Variants in ATF6 observed in about 807,000 individuals in gnomAD.
ATF6 encodes the protein activating transcription factor 6.
In ATF6, 53 loss-of-function variants were observed where a neutral mutation model predicts 83.6. That is an observed-to-expected ratio of 0.63 (90% CI 0.51 to 0.80). The LOEUF is 0.80. ATF6 is among the 30% of genes least tolerant of loss of function. ATF6 has a pLI of 0.00. For missense variants in ATF6, 744 were observed against 797.9 expected (o/e 0.93, Z 0.81); for synonymous variants, 288 against 285.8 (o/e 1.01, Z -0.08).
At chr1:161,899,345 G>C (rs1368140245) in intron 14 of ATF6, among the ~76,000 whole-genome samples, 1 of 152,118 alleles carries the variant, frequency 6.6e-6, no homozygotes, top group East Asian at 1.9e-4. Context: ...AATCAACTGT[G>C]TCACCCTATT....
At chr1:161,941,621 T>C (rs771301173) in intron 15 of ATF6, among the ~76,000 whole-genome samples, 1 of 152,228 alleles carries the variant, frequency 6.6e-6, no homozygotes, top group Non-Finnish European at 1.5e-5. Flanking sequence ...ATAAACTACA[T>C]GGCGATTCTA....
chr1:161,792,106 T>G lies in ATF6; in HGVS notation c.485-18T>G. 6.2e-7 allele frequency: 1 copy of G among 1,611,392 alleles called. No homozygotes were observed. ...ATTGCTTTCACATTGACTTGTGGTT[T>G]GTCTGGTTTTTCTCCAGAAAATGGA... On this transcript the variant is annotated intron_variant, in intron 5 of 15. Coordinates refer to ENST00000367942, the MANE Select transcript of ATF6 (RefSeq NM_007348.4).
chr1:161,869,532 A>G (rs1277300020), intron 14 of ATF6, among the ~76,000 whole-genome samples: 3 of 151,962 alleles, frequency 2.0e-5, no homozygotes, highest in African/African-American at 4.8e-5. Flanking sequence ...GCTGGAAAAA[A>G]AAGTGAATAG....
intron 14 of ATF6, among the ~76,000 whole-genome samples, chr1:161,871,930 T>G (rs560843632): frequency 2.2e-4 from 33 of 151,682 alleles, no homozygotes; most frequent in African/African-American, 7.5e-4. Context: ...TTCAATCTAG[T>G]GGAGTCAGTG....
At chr1:161,950,301 C>T (rs1688835685) in intron 15 of ATF6, among the ~76,000 whole-genome samples, 1 of 152,150 alleles carries the variant, frequency 6.6e-6, no homozygotes, top group Non-Finnish European at 1.5e-5. Flanking sequence ...AGAGATATTG[C>T]AGAGAATGCC....
At position 161,896,787 on chromosome 1, in the gene ATF6, C is replaced by G. The variant is rs1375260631; in HGVS notation, c.1720-15509C>G. ...AATTTCTTAAATAAATATATAGTTT[C>G]CAGTTTAGATGTTTGAGATTTAGAG... On this transcript the variant is annotated intron_variant, in intron 14 of 15. Coordinates refer to ENST00000367942, the MANE Select transcript of ATF6 (RefSeq NM_007348.4). Among the ~76,000 whole-genome samples the G allele has an allele frequency of 3.9e-5, 6 of 152,110 alleles. No individual in the cohort carries two copies. The East Asian group carries it at 1.2e-3, about 29-fold the overall frequency.
chr1:161,851,077 T>A (rs936782455), intron 10 of ATF6, among the ~76,000 whole-genome samples: 2 of 151,972 alleles, frequency 1.3e-5, no homozygotes, highest in Non-Finnish European at 2.9e-5. Context: ...TAGTTTATAT[T>A]CGGCTTTTCA....
In ATF6 at chr1:161,791,497, GAAGGAAGAT is replaced by G. The variant is rs754951405; in HGVS notation, c.448_456del (p.Glu150_Lys152del). The G allele has an allele frequency of 6.2e-7, 1 of 1,612,612 alleles. No homozygotes were observed. The highest frequency in any genetic ancestry group is 8.5e-7 in the Non-Finnish European group (1 of 1,179,706). On this transcript the variant is annotated inframe_deletion, in exon 5 of 16. Coordinates refer to ENST00000367942, the MANE Select transcript of ATF6 (RefSeq NM_007348.4). The stretch of plus-strand genomic sequence containing the variant: ...ATAGTCTCTCTTCAGCGGAGCCACT[GAAGGAAGAT>G]AAGCCTGTCACTGGTCCTAGGAACA...
Position 161,863,266 on chromosome 1 carries a change from C to T in ATF6, c.1673C>T (p.Ala558Val). 1.2e-6 allele frequency: 2 copies of T among 1,612,956 alleles called. No individual in the cohort carries two copies. The part of the protein sequence containing the change: ...SPRSYQDFFE[A>V]IRRRGDTFYV... ...AGAAGTTATCAAGACTTTTTTGAAG[C>T]CATCCGCAGAAGGGGAGACACATTT... The change falls in exon 14 of 16, where the codon GCC (alanine) becomes GTC (valine). Residue 558 changes from alanine (A) to valine (V), a missense_variant. Coordinates refer to ENST00000367942, the MANE Select transcript of ATF6 (RefSeq NM_007348.4).
chr1:161,935,269 C>G (rs1688514634), intron 15 of ATF6, among the ~76,000 whole-genome samples: 1 of 152,112 alleles, frequency 6.6e-6, no homozygotes, highest in African/African-American at 2.4e-5. Context: ...CGTTTGTAGC[C>G]TCCCAAAATT....
chr1:161,859,795 G>C (rs758519936), intron 12 of ATF6, among the ~76,000 whole-genome samples: 1 of 152,118 alleles, frequency 6.6e-6, no homozygotes, highest in Non-Finnish European at 1.5e-5. Context: ...GAAGATCTCT[G>C]TGTTTAACTC....
chr1:161,935,283 A>G (rs905815956), intron 15 of ATF6, among the ~76,000 whole-genome samples: 4 of 152,166 alleles, frequency 2.6e-5, no homozygotes, highest in African/African-American at 4.8e-5. Flanking sequence ...CAAAATTTAT[A>G]TGTTGAAATC....
At chr1:161,772,444 C>T (rs574989398) in intron 1 of ATF6, among the ~76,000 whole-genome samples, 1 of 152,314 alleles carries the variant, frequency 6.6e-6, no homozygotes, top group South Asian at 2.1e-4. Context: ...TTCAAACCTC[C>T]AACATCTCTC....
At chr1:161,833,973 A>C (rs930376463) in intron 9 of ATF6, among the ~76,000 whole-genome samples, 4 of 152,226 alleles carry the variant, frequency 2.6e-5, no homozygotes, top group Non-Finnish European at 5.9e-5. Flanking sequence ...CCAAAGTTGA[A>C]ATGAAGGAAA....
chr1:161,851,066 A>ATAG lies in ATF6; in HGVS notation c.1320-654_1320-652dup, dbSNP rs1686605779. ...GTGATTCACATTCTTCCATGATCCCATAGTTTATATTCGGCTTTTCAACTC... is the reference window on the plus strand; with the variant it reads ...GTGATTCACATTCTTCCATGATCCCATAGTAGTTTATATTCGGCTTTTCAACTC... On this transcript the variant is annotated intron_variant, in intron 10 of 15. Transcript: ENST00000367942. Among the ~76,000 whole-genome samples, 4 of 151,982 alleles carry ATAG rather than the reference A, an allele frequency of 2.6e-5. No homozygotes were observed. The South Asian group carries it at 8.3e-4, about 32-fold the overall frequency.
chr1:161,832,640 A>G (rs1686094381), intron 9 of ATF6, among the ~76,000 whole-genome samples: 1 of 152,242 alleles, frequency 6.6e-6, no homozygotes, highest in African/African-American at 2.4e-5. Context: ...TCCTACACCC[A>G]CAGAGCCTCG....
chr1:161,922,823 G>A (rs1224452552), intron 15 of ATF6, among the ~76,000 whole-genome samples: 4 of 152,136 alleles, frequency 2.6e-5, no homozygotes, highest in African/African-American at 7.2e-5. Context: ...AGATCAGATC[G>A]GGAAGGTAAA....
chr1:161,813,663 A>T (rs933682613), intron 7 of ATF6, among the ~76,000 whole-genome samples: 1 of 152,150 alleles, frequency 6.6e-6, no homozygotes, highest in Admixed American at 6.5e-5. Context: ...GGTTATAATA[A>T]TGTCATAAGC....
At chr1:161,923,248 TC>T (rs1688250721) in intron 15 of ATF6, among the ~76,000 whole-genome samples, 1 of 152,132 alleles carries the variant, frequency 6.6e-6, no homozygotes, top group Non-Finnish European at 1.5e-5. Flanking sequence ...CTGTGTCTCT[TC>T]CTCCTCTTCA....
Sources: gnomAD v4.1 joint callset for allele counts (sites outside exome capture counted in the v4.1 genomes callset) on GRCh38, gnomAD v4.1.1 for gene constraint, MANE v1.5 for transcripts, NCBI Gene and HGNC (gene_info 2026-07-23, HGNC 2026-07-21) for gene names.